Variants in DNMT1 observed in about 807,000 individuals in gnomAD.
DNMT1 encodes the protein DNA (cytosine-5)-methyltransferase 1.
DNMT1 carries 24 observed loss-of-function variants against 205.3 expected under a neutral mutation model. That is an observed-to-expected ratio of 0.12 (90% CI 0.08 to 0.16). The LOEUF (loss-of-function observed/expected upper bound fraction) is 0.16. Ranked by LOEUF, DNMT1 falls within the 10% of genes least tolerant of loss-of-function variation. DNMT1 has a pLI of 1.00. For synonymous variants in DNMT1, 817 were observed against 839.8 expected, an observed-to-expected ratio of 0.97 and a Z score of 0.47; for missense variants, 1,293 against 2,177.7, an observed-to-expected ratio of 0.59 and a Z score of 8.09.
At chr19:10,162,849 G>T in intron 12 of DNMT1, 101 bp from the exon 13 acceptor site, 2 of 1,304,192 alleles carry the variant, frequency 1.5e-6, no homozygotes, top group Non-Finnish European at 2.2e-6. Context: ...CCATGGGAAA[G>T]CAAGATACCC....
In DNMT1 at chr19:10,155,080, GA is replaced by G. The variant is rs775071568; in HGVS notation, c.1493-25del. 133 of 1,613,636 alleles carry G rather than the reference GA, an allele frequency of 8.2e-5. No individual in the cohort carries two copies. The Middle Eastern group carries it at 8.4e-4, about 10-fold the overall frequency. On this transcript the variant is annotated intron_variant, in intron 19 of 40. Coordinates refer to ENST00000359526, the MANE Select transcript of DNMT1 (RefSeq NM_001130823.3). ...TGCTGGGGTGAACAGAGGAGGTGTG[GA>G]AAAGGGGCTGGAATCTGATGGCGCC...
chr19:10,175,562 A>G lies in DNMT1; in HGVS notation c.626T>C (p.Ile209Thr). The change falls in exon 7 of 41, where the codon ATC becomes ACC. Residue 209 changes from isoleucine to threonine, a missense_variant. Physicochemically the swap from Ile to Thr is moderately conservative, Grantham distance 89. Around this residue, in one of 13 missense-constraint regions of DNMT1, gnomAD observed 394 missense variants for 451.6 expected, o/e 0.87. Coordinates refer to ENST00000359526, the MANE Select transcript of DNMT1 (RefSeq NM_001130823.3). ...ESERAKSDESIKEEDKDQDEK... is the reference protein window; with the variant it reads ...ESERAKSDESTKEEDKDQDEK... ...TACCTGGTCTTTGTCTTCTTCCTTG[A>G]TGGACTCATCCGATTTGGCTCTTTC... is the stretch of plus-strand genomic sequence containing the variant. 1 of 1,614,024 alleles carries G rather than the reference A, an allele frequency of 6.2e-7. No individual in the cohort carries two copies. Among genetic ancestry groups the G allele is most frequent in the Non-Finnish European group, 8.5e-7 (1 of 1,179,960 alleles).
Position 10,133,819 on chromosome 19 carries a change from G to T in DNMT1, c.4865-118C>A. 1 of 1,122,866 alleles carries T rather than the reference G, an allele frequency of 8.9e-7. No individual in the cohort carries two copies. Among genetic ancestry groups the T allele is most frequent in the South Asian group, 1.3e-5 (1 of 74,962 alleles). The allele number at this position is 1,122,866 out of a possible 1,614,324, so 69.6% of individuals were successfully genotyped here. ...CATTAACGTACTGATGTTAACAGCTGACCCAATAAGTGGCAGAGTGCTAAG... is the reference window on the plus strand; with the variant it reads ...CATTAACGTACTGATGTTAACAGCTTACCCAATAAGTGGCAGAGTGCTAAG... On this transcript the variant is annotated intron_variant, in intron 40 of 40. Coordinates refer to ENST00000359526, the MANE Select transcript of DNMT1 (RefSeq NM_001130823.3). This position sits in a 1 kb window ranked among gnomAD's most constrained non-coding sequence, Gnocchi z 4.1.
Position 10,139,794 on chromosome 19 carries a change from C to T in DNMT1, c.3830G>A (p.Arg1277Gln), listed in dbSNP as rs774073234. 2.3e-5 allele frequency: 36 copies of T among 1,592,336 alleles called. No homozygotes were observed. The highest frequency in any genetic ancestry group is 4.5e-5 in the South Asian group (4 of 88,210). ...FLSYCDYYRP[R>Q]FFLLENVRNF... ...CCTGACATTCTCCAGGAGGAAGAAC[C>T]GGGGCCGGTAGTAGTCGCAGTAGCT... The change falls in exon 34 of 41, where the codon CGG becomes CAG. Residue 1277 changes from arginine (R) to glutamine (Q), a missense_variant. By Grantham distance (43) the Arg-to-Gln change is conservative (BLOSUM62 1). Transcript: ENST00000359526.
chr19:10,160,430 A>G lies in DNMT1; in HGVS notation c.1009-12T>C. On this transcript the variant is annotated splice_polypyrimidine_tract_variant and intron_variant, in intron 13 of 40. Transcript: ENST00000359526. ...CGTCTCTTCTCCTCCTACACAGGGA[A>G]AACAAAAGAGGATTAAAGGCTAAGA... 1 of 1,614,038 alleles carries G rather than the reference A, an allele frequency of 6.2e-7. No homozygotes were observed. The highest frequency in any genetic ancestry group is 8.5e-7 in the Non-Finnish European group (1 of 1,179,936).
chr19:10,188,363 A>G (rs2039235273), intron 1 of DNMT1, among the ~76,000 whole-genome samples: 2 of 152,150 alleles, frequency 1.3e-5, no homozygotes, highest in Admixed American at 1.3e-4. Flanking sequence ...AACATGGCAA[A>G]ACCCCATCTC....
At chr19:10,192,510 C>A (rs1483074573) in intron 1 of DNMT1, among the ~76,000 whole-genome samples, 1 of 151,856 alleles carries the variant, frequency 6.6e-6, no homozygotes, top group African/African-American at 2.4e-5. Context: ...ACCCGTAATC[C>A]CAACACTTTG....
intron 1 of DNMT1, among the ~76,000 whole-genome samples, chr19:10,182,485 ATGTGTATATATATG>A (rs1224715776): frequency 3.2e-5 from 4 of 126,256 alleles, no homozygotes; most frequent in African/African-American, 1.2e-4. Flanking sequence ...ATACATATAT[ATGTGTATATATATG>A]TGTGTATATA....
intron 1 of DNMT1, among the ~76,000 whole-genome samples, chr19:10,191,754 G>A (rs2145410847): frequency 6.6e-6 from 1 of 152,178 alleles, no homozygotes; most frequent in East Asian, 1.9e-4. Flanking sequence ...TCAGCCCTTT[G>A]GGAGGCCAAC....
intron 7 of DNMT1, among the ~76,000 whole-genome samples, chr19:10,174,978 C>T (rs1465932156): frequency 6.6e-6 from 1 of 151,310 alleles, no homozygotes; most frequent in African/African-American, 2.4e-5. Context: ...TCACTTGAAC[C>T]CGGGAGGCTG....
At chr19:10,179,021 C>T (rs1052963469) in intron 5 of DNMT1, among the ~76,000 whole-genome samples, 9 of 129,738 alleles carry the variant, frequency 6.9e-5, no homozygotes, top group East Asian at 5.0e-4. Context: ...CCCAGCTACT[C>T]GGGAGGCTGA....
Position 10,137,445 on chromosome 19 carries a change from C to T in DNMT1, c.4294-165G>A, listed in dbSNP as rs1258611229. The T allele has an allele frequency of 2.3e-6, 2 of 854,680 alleles. No homozygotes were observed. Among genetic ancestry groups the T allele is most frequent in the African/African-American group, 1.7e-5 (1 of 59,458 alleles). 52.9% of individuals were successfully genotyped at this position (854,680 alleles called of 1,614,324 possible). A position where few individuals can be genotyped will look rare whatever the true frequency, so the allele number is the denominator to read the frequency against. ...TATCGCACTTGGCTCGAGGCCACGG[C>T]AGGGACCTGAGGCAGCGCAGGTGTA... On this transcript the variant is annotated intron_variant, in intron 36 of 40. Transcript: ENST00000359526. This position sits in a 1 kb window ranked among gnomAD's most constrained non-coding sequence, Gnocchi z 6.4.
intron 9 of DNMT1, among the ~76,000 whole-genome samples, chr19:10,169,225 G>C (rs1288188284): frequency 6.6e-6 from 1 of 151,918 alleles, no homozygotes; most frequent in African/African-American, 2.4e-5. Context: ...TCTGTGAAGA[G>C]ATCGCAAAGG....
chr19:10,170,008 G>A (rs946689235), intron 9 of DNMT1, among the ~76,000 whole-genome samples: 4 of 152,126 alleles, frequency 2.6e-5, no homozygotes, highest in Non-Finnish European at 2.9e-5. Context: ...AGCCTCGGCC[G>A]GGCGTGGTGT....
intron 1 of DNMT1, among the ~76,000 whole-genome samples, chr19:10,183,875 CAAAATAAAAT>C (rs535003569): frequency 9.9e-5 from 15 of 151,840 alleles, no homozygotes; most frequent in East Asian, 3.9e-4. Flanking sequence ...AACTCTGTCT[CAAAATAAAAT>C]AAAATAAAAT....
chr19:10,168,222 C>A, intron 10 of DNMT1, 108 bp downstream of exon 10: 1 of 1,276,226 alleles, frequency 7.8e-7, no homozygotes, highest in South Asian at 1.2e-5. Flanking sequence ...ACATAAGAGA[C>A]ATATGATTAG....
At chr19:10,179,767 A>C (rs1187950317) in intron 5 of DNMT1, 1 of 154,660 alleles carries the variant, frequency 6.5e-6, no homozygotes, top group Admixed American at 6.4e-5. Flanking sequence ...AGGCGGGAGG[A>C]CCACTTGAGG....
intron 2 of DNMT1, among the ~76,000 whole-genome samples, chr19:10,181,654 C>T (rs1285779590): frequency 1.3e-5 from 2 of 151,622 alleles, no homozygotes; most frequent in African/African-American, 2.4e-5. Context: ...CATGGTGAAA[C>T]CCCATCTCTA....
chr19:10,159,862 C>A lies in DNMT1; in HGVS notation c.1150G>T (p.Gly384Trp). 6.2e-7 allele frequency: 1 copy of A among 1,614,156 alleles called. No homozygotes were observed. The highest frequency in any genetic ancestry group is 8.5e-7 in the Non-Finnish European group (1 of 1,180,034). Residue 384 changes from glycine to tryptophan, a missense_variant, in exon 16 of 41, where the codon GGG becomes TGG. Physicochemically the swap from Gly to Trp is radical, Grantham distance 184. This residue lies in a region of DNMT1 where 120 missense variants were observed against 315.9 expected (regional missense o/e 0.38). Transcript: ENST00000359526. This position sits in a 1 kb window ranked among gnomAD's most constrained non-coding sequence, Gnocchi z 5.0. ...QYLDDPDLKY[G>W]QHPPDAVDEP... ...CGTACCGCGTCTGGTGGGTGCTGCC[C>A]ATATTTGAGGTCAGGGTCGTCCAGG...
Sources: allele counts gnomAD v4.1 joint callset (sites outside exome capture counted in the v4.1 genomes callset), GRCh38; gene constraint gnomAD v4.1.1; regional missense constraint gnomAD v4.1.1; non-coding constraint Gnocchi (gnomAD v3.1); transcripts MANE v1.5; gene names NCBI Gene and HGNC (gene_info 2026-07-23, HGNC 2026-07-21).